ASAH1: variants seen among roughly 807,000 people sequenced by gnomAD.
The protein encoded by ASAH1 is N-acylsphingosine amidohydrolase 1, also known as acid ceramidase.
Under a neutral mutation model 59.5 loss-of-function variants are expected in ASAH1, and 70 were observed. The observed-to-expected ratio is 1.18, with a 90% CI of 0.97 to 1.43. The LOEUF (loss-of-function observed/expected upper bound fraction) is 1.43, where lower values mean the gene tolerates loss of function less well. ASAH1 is among the 40% of genes most tolerant of loss of function. The pLI, the probability that ASAH1 is intolerant of heterozygous loss-of-function variation, is 0.00. For synonymous variants in ASAH1, 213 were observed against 166.5 expected (o/e 1.28, Z -2.15); for missense variants, 660 against 482.5 (o/e 1.37, Z -3.45).
Position 18,057,378 on chromosome 8 carries a change from G to T in ASAH1, c.*156C>A. The T allele has an allele frequency of 2.0e-6, 1 of 495,106 alleles. No homozygotes were observed. The highest frequency in any genetic ancestry group is 4.5e-5 in the East Asian group (1 of 22,258). 30.7% of individuals were successfully genotyped at this position (495,106 alleles called of 1,614,324 possible). ...TGATAGGGGGAAAAAAAAAAGATCT[G>T]TCATTTGTCAACAGATGGACGAAGA... On this transcript the variant is annotated 3_prime_UTR_variant, in exon 14 of 14. Transcript: ENST00000637790.
intron 5 of ASAH1, chr8:18,066,422 C>CAAAAAAAAAAAAAAAAAAAA (rs35999931): frequency 3.1e-5 from 4 of 127,340 alleles, no homozygotes; most frequent in Non-Finnish European, 3.4e-5. Flanking sequence ...CAAAGAAAAC[C>CAAAAAAAAAAAAAAAAAAAA]AAAAAAAAAA....
intron 1 of ASAH1, among the ~76,000 whole-genome samples, chr8:18,080,083 C>T (rs1408680578): frequency 1.3e-5 from 2 of 152,146 alleles, no homozygotes; most frequent in African/African-American, 4.8e-5. Context: ...CCTGTGTGTT[C>T]CCTCTTTGGG....
chr8:18,063,693 G>T, intron 6 of ASAH1: 1 of 164,540 alleles, frequency 6.1e-6, no homozygotes, highest in Non-Finnish European at 1.3e-5. Flanking sequence ...AATATCCTAA[G>T]CCTTCACCAG....
At chr8:18,062,150 A>C (rs1280751673) in intron 8 of ASAH1, 129 bp downstream of exon 8, 4 of 1,262,116 alleles carry the variant, frequency 3.2e-6, no homozygotes, top group Non-Finnish European at 4.6e-6. Flanking sequence ...TGAAGTGACA[A>C]GAAGTACAAG....
intron 9 of ASAH1, 101 bp downstream of exon 9, chr8:18,061,585 G>A: frequency 1.4e-6 from 2 of 1,463,146 alleles, no homozygotes; most frequent in Non-Finnish European, 1.9e-6. Flanking sequence ...TAACCAGTCG[G>A]GAACCGGAAG....
intron 5 of ASAH1, 86 bp downstream of exon 5, chr8:18,067,134 C>CTGTGCTGTATATCTAAGACATACAGCACT: frequency 1.7e-6 from 2 of 1,149,792 alleles, no homozygotes; most frequent in East Asian, 2.8e-5. Flanking sequence ...CATACAGCAC[C>CTGTGCTGTATATCTAAGACATACAGCACT]TGTGCTGTAT....
intron 8 of ASAH1, 90 bp from the exon 9 acceptor site, chr8:18,061,830 G>A (rs753390811): frequency 6.6e-6 from 8 of 1,215,862 alleles, no homozygotes; most frequent in Non-Finnish European, 9.5e-6. Context: ...GGGATATAAA[G>A]GCCTAGCTTG....
At chr8:18,067,368 C>T (rs1389851209) in intron 4 of ASAH1, 70 bp from the exon 5 acceptor site, 1 of 955,992 alleles carries the variant, frequency 1.0e-6, no homozygotes, top group Non-Finnish European at 1.4e-6. Context: ...ATAATATAAA[C>T]AAATATAATA....
At chr8:18,068,757 A>T (rs1192251837) in intron 4 of ASAH1, 2 of 152,436 alleles carry the variant, frequency 1.3e-5, no homozygotes, top group East Asian at 3.9e-4. Flanking sequence ...TGCAATGCAC[A>T]TGACAGCCCC....
chr8:18,064,629 G>A, intron 5 of ASAH1, 98 bp from the exon 6 acceptor site: 1 of 762,870 alleles, frequency 1.3e-6, no homozygotes, highest in Non-Finnish European at 2.2e-6. Context: ...TTGTGTGAGT[G>A]TGTGCTTTGG....
Position 18,061,406 on chromosome 8 carries a change from G to C in ASAH1, c.756C>G (p.Leu252=), listed in dbSNP as rs1303951221. The C allele has an allele frequency of 6.2e-7, 1 of 1,612,716 alleles. No homozygotes were observed. The highest frequency in any genetic ancestry group is 1.3e-5 in the African/African-American group (1 of 74,918). The change falls in exon 10 of 14, where the codon CTC becomes CTG. Residue 252 remains leucine (L), a synonymous_variant. Coordinates refer to ENST00000637790, the MANE Select transcript of ASAH1 (RefSeq NM_177924.5). Reference sequence around the variant, plus strand: ...TGCTATTTTCCAGAACTGTTCTAGTGAGGAACCCTATCCACATGACATCTT... The same window carrying C: ...TGCTATTTTCCAGAACTGTTCTAGTCAGGAACCCTATCCACATGACATCTT... ...GKKDVMWIGF[L]TRTVLENSTS...
At chr8:18,070,494 G>A (rs1800119782) in intron 3 of ASAH1, among the ~76,000 whole-genome samples, 1 of 151,842 alleles carries the variant, frequency 6.6e-6, no homozygotes, top group Non-Finnish European at 1.5e-5. Flanking sequence ...ATGTTGGCCA[G>A]GCTGGTCTTG....
chr8:18,070,410 A>G (rs1486610674), intron 3 of ASAH1, among the ~76,000 whole-genome samples: 1 of 152,142 alleles, frequency 6.6e-6, no homozygotes, highest in Non-Finnish European at 1.5e-5. Flanking sequence ...GGCCTCCCAA[A>G]GTGCTGGGAT....
chr8:18,060,686 G>A (rs981734523), intron 10 of ASAH1: 1 of 152,274 alleles, frequency 6.6e-6, no homozygotes, highest in African/African-American at 2.4e-5. Flanking sequence ...TTTTGCTATT[G>A]TAAGATTTCT....
chr8:18,059,115 A>T (rs1271879344), intron 12 of ASAH1: 4 of 719,162 alleles, frequency 5.6e-6, no homozygotes, highest in Non-Finnish European at 9.1e-6. Flanking sequence ...CCTGTTTGTT[A>T]TTCAACTTCA....
In ASAH1 at chr8:18,074,491, C is replaced by T. The variant is rs193133342; in HGVS notation, c.125+1050G>A. 6.6e-4 allele frequency among the ~76,000 whole-genome samples: 100 copies of T among 152,274 alleles called. No individual in the cohort carries two copies. The Middle Eastern group carries it at 0.017, about 26-fold the overall frequency. ...AACGTAAGTAATTTGGAATGTTGCA[C>T]GAACTGAAAATGTCATCTTGATATC... On this transcript the variant is annotated intron_variant, in intron 2 of 13. Coordinates refer to ENST00000637790, the MANE Select transcript of ASAH1 (RefSeq NM_177924.5).
At chr8:18,074,907 A>T (rs571127055) in intron 2 of ASAH1, among the ~76,000 whole-genome samples, 2 of 152,290 alleles carry the variant, frequency 1.3e-5, no homozygotes, top group Admixed American at 1.3e-4. Flanking sequence ...ATAGAGAATC[A>T]CAGGTCATTT....
intron 3 of ASAH1, 41 bp from the exon 4 acceptor site, chr8:18,069,919 A>G: frequency 7.1e-7 from 1 of 1,406,198 alleles, no homozygotes; most frequent in Non-Finnish European, 1.0e-6. Context: ...ACATAATGAA[A>G]TGCTGTCAAG....
At chr8:18,058,756 C>A (rs746637157) in intron 13 of ASAH1, 79 bp downstream of exon 13, 3 of 1,300,690 alleles carry the variant, frequency 2.3e-6, no homozygotes, top group African/African-American at 2.9e-5. Context: ...TCAAACTGAT[C>A]AAAGATAACA....
Sources: allele counts gnomAD v4.1 joint callset (sites outside exome capture counted in the v4.1 genomes callset), GRCh38; gene constraint gnomAD v4.1.1; transcripts MANE v1.5; gene names NCBI Gene and HGNC (gene_info 2026-07-23, HGNC 2026-07-21).